The following SND1 variants were observed in gnomAD, a reference collection of about 807,000 sequenced individuals.
SND1 encodes the protein staphylococcal nuclease domain-containing protein 1.
SND1 carries 38 observed loss-of-function variants against 121.7 expected under a neutral mutation model. The observed-to-expected ratio is 0.31, with a 90% confidence interval of 0.24 to 0.41. SND1 has a LOEUF of 0.41. Among genes scored for constraint, SND1 ranks in the 10% least tolerant of loss-of-function variants. The pLI is 1.00. For missense variants in SND1, 868 were observed against 1,184.6 expected, an observed-to-expected ratio of 0.73 and a Z score of 3.92; for synonymous variants, 401 against 447.4, an observed-to-expected ratio of 0.90 and a Z score of 1.31.
chr7:127,659,991 A>G (rs540056252), intron 1 of SND1, among the ~76,000 whole-genome samples: 22 of 149,498 alleles, frequency 1.5e-4, no homozygotes, highest in Non-Finnish European at 3.0e-4. Flanking sequence ...TGCATAAAGC[A>G]GGTTTTCTGT....
intron 10 of SND1, among the ~76,000 whole-genome samples, chr7:127,727,768 A>G (rs528641894): frequency 4.6e-5 from 7 of 152,252 alleles, no homozygotes; most frequent in African/African-American, 1.7e-4. Context: ...ATTCTGTACG[A>G]GTTTCAAATT....
intron 1 of SND1, among the ~76,000 whole-genome samples, chr7:127,653,972 C>G (rs1795168462): frequency 6.6e-6 from 1 of 152,218 alleles, no homozygotes; most frequent in Non-Finnish European, 1.5e-5. Context: ...TTCATTTGCA[C>G]TGATCTTCTC....
At chr7:128,038,798 C>G (rs927598221) in intron 16 of SND1, among the ~76,000 whole-genome samples, 5 of 152,028 alleles carry the variant, frequency 3.3e-5, no homozygotes, top group Non-Finnish European at 7.4e-5. Context: ...CTTACATAAC[C>G]ACAGAACATT....
In SND1 at chr7:127,785,048, A is replaced by C. The variant is rs1797787304; in HGVS notation, c.1153-22436A>C. The stretch of plus-strand genomic sequence containing the variant: ...CCTTGACCTCCTGCCTCAGCCTCCC[A>C]AGTAGCTGGGACTACAGGGACACAG... On this transcript the variant is annotated intron_variant, in intron 10 of 23. Transcript: ENST00000354725. Among the ~76,000 whole-genome samples, 3 of 152,098 alleles carry C rather than the reference A, an allele frequency of 2.0e-5. No individual in the cohort carries two copies. The South Asian group carries it at 6.2e-4, about 32-fold the overall frequency.
chr7:127,887,048 T>A (rs1227587833), intron 12 of SND1, among the ~76,000 whole-genome samples: 1 of 152,008 alleles, frequency 6.6e-6, no homozygotes, highest in African/African-American at 2.4e-5. Flanking sequence ...CTTTTACCCA[T>A]GCTGCAGTGT....
At chr7:127,672,187 G>A (rs963006277) in intron 1 of SND1, among the ~76,000 whole-genome samples, 1 of 152,018 alleles carries the variant, frequency 6.6e-6, no homozygotes, top group Admixed American at 6.6e-5. Context: ...TTATTTGAGA[G>A]TAATCTGCAG....
At chr7:127,657,669 A>G (rs1795234763) in intron 1 of SND1, among the ~76,000 whole-genome samples, 1 of 130,350 alleles carries the variant, frequency 7.7e-6, no homozygotes, top group African/African-American at 3.4e-5. Flanking sequence ...CTAATCTTTT[A>G]TTCTTTTTTG....
At chr7:127,885,368 C>T (rs1204283345) in intron 12 of SND1, among the ~76,000 whole-genome samples, 1 of 152,080 alleles carries the variant, frequency 6.6e-6, no homozygotes, top group Non-Finnish European at 1.5e-5. Flanking sequence ...CTCTTGTTAC[C>T]GCTAAGCACC....
At chr7:127,742,365 C>T (rs1333484112) in intron 10 of SND1, among the ~76,000 whole-genome samples, 2 of 152,158 alleles carry the variant, frequency 1.3e-5, no homozygotes, top group Non-Finnish European at 2.9e-5. Flanking sequence ...AACTGTCACT[C>T]TCCCTGAGGG....
rs1274836898 is a variant in SND1 at position 127,887,941 on chromosome 7, A to G, written c.1383A>G (p.Thr461=). Reference sequence around the variant, plus strand: ...CTCTTGTCAGCAAAGGTCTAGCCACAGTGATCAGATACCGGCAGGATGATG... The same window carrying G: ...CTCTTGTCAGCAAAGGTCTAGCCACGGTGATCAGATACCGGCAGGATGATG... ...AEALVSKGLA[T]VIRYRQDDDQ... Residue 461 remains threonine, a synonymous_variant, in exon 13 of 24, where the codon ACA becomes ACG. Transcript: ENST00000354725. The G allele has an allele frequency of 2.5e-6, 4 of 1,612,218 alleles. No homozygotes were observed. The highest frequency in any genetic ancestry group is 2.7e-5 in the African/African-American group (2 of 74,812).
At chr7:127,862,601 A>G (rs914493421) in intron 12 of SND1, among the ~76,000 whole-genome samples, 10 of 152,258 alleles carry the variant, frequency 6.6e-5, no homozygotes, top group Admixed American at 6.5e-5. Flanking sequence ...TGAGTTTTTA[A>G]TGATTCCTTC....
chr7:127,950,883 T>A (rs1472947491), intron 15 of SND1, among the ~76,000 whole-genome samples: 1 of 152,226 alleles, frequency 6.6e-6, no homozygotes, highest in Non-Finnish European at 1.5e-5. Flanking sequence ...ATTTATTATT[T>A]TTTTTAATCC....
At chr7:127,920,380 C>A (rs1033683209) in intron 14 of SND1, among the ~76,000 whole-genome samples, 3 of 152,098 alleles carry the variant, frequency 2.0e-5, no homozygotes, top group African/African-American at 7.2e-5. Flanking sequence ...CAAGGGGAAT[C>A]CTAGCAAGCC....
In SND1 at chr7:128,085,101, T is replaced by TGCTGGCTG. The variant is rs1019775638; in HGVS notation, c.2234+265_2234+272dup. Among the ~76,000 whole-genome samples the TGCTGGCTG allele has an allele frequency of 6.6e-6, 1 of 152,082 alleles. No individual in the cohort carries two copies. Among genetic ancestry groups the TGCTGGCTG allele is most frequent in the African/African-American group, 2.4e-5 (1 of 41,430 alleles). Reference sequence around the variant, plus strand: ...TGGGGGATTCCAGGGTGGGAGCCCTTGCTGGCTGGCTGGCTGGCCGGCCGG... The same window carrying TGCTGGCTG: ...TGGGGGATTCCAGGGTGGGAGCCCTTGCTGGCTGGCTGGCTGGCTGGCTGGCCGGCCGG... On this transcript the variant is annotated intron_variant, in intron 19 of 23. Transcript: ENST00000354725. The surrounding 1 kb of genome is among the most constrained non-coding windows in gnomAD (Gnocchi z 4.4).
chr7:127,777,271 G>GA (rs1346349775), intron 10 of SND1, among the ~76,000 whole-genome samples: 1 of 152,138 alleles, frequency 6.6e-6, no homozygotes, highest in African/African-American at 2.4e-5. Flanking sequence ...AGTAGGGACT[G>GA]AAAAAACATT....
At chr7:127,766,661 G>C (rs1043425181) in intron 10 of SND1, among the ~76,000 whole-genome samples, 1 of 147,870 alleles carries the variant, frequency 6.8e-6, no homozygotes, top group Non-Finnish European at 1.5e-5. Flanking sequence ...TGTAGTCCCA[G>C]CTACTCAGGA....
intron 10 of SND1, among the ~76,000 whole-genome samples, chr7:127,762,964 G>GA (rs1797332804): frequency 6.6e-6 from 1 of 152,166 alleles, no homozygotes; most frequent in Admixed American, 6.5e-5. Context: ...GTCCACCTCT[G>GA]AAAATTCTAA....
chr7:127,939,608 G>A (rs1325519966), intron 15 of SND1, among the ~76,000 whole-genome samples: 3 of 152,110 alleles, frequency 2.0e-5, no homozygotes, highest in Admixed American at 6.5e-5. Context: ...CAGCAAGGCC[G>A]ATGTGGCATT....
At chr7:127,665,561 A>G (rs1009733596) in intron 1 of SND1, among the ~76,000 whole-genome samples, 2 of 152,206 alleles carry the variant, frequency 1.3e-5, no homozygotes, top group Admixed American at 1.3e-4. Flanking sequence ...GAAAATGGAA[A>G]GTCAATATTA....
Sources: allele counts gnomAD v4.1 joint callset (sites outside exome capture counted in the v4.1 genomes callset), GRCh38; gene constraint gnomAD v4.1.1; non-coding constraint Gnocchi (gnomAD v3.1); transcripts MANE v1.5; gene names NCBI Gene and HGNC (gene_info 2026-07-23, HGNC 2026-07-21).